The following FUT5 variants were observed in gnomAD, a reference collection of about 807,000 sequenced individuals.
FUT5 encodes 4-galactosyl-N-acetylglucosaminide 3-alpha-L-fucosyltransferase FUT5.
Under a neutral mutation model 0.8 loss-of-function variants are expected in FUT5, and 1 was observed. The observed-to-expected ratio is 1.26, with a 90% CI of 0.45 to 5.99. FUT5 has a LOEUF of 5.99. Ranked by LOEUF, FUT5 falls within the 30% of genes most tolerant of loss-of-function variation. FUT5 has a pLI of 0.15. For missense variants in FUT5, 437 were observed against 517.8 expected (o/e 0.84, Z 1.51); for synonymous variants, 212 against 225.7 (o/e 0.94, Z 0.54).
chr19:5,867,983 A>G lies in FUT5; in HGVS notation c.-12-246T>C, dbSNP rs2057511665. On this transcript the variant is annotated intron_variant, in intron 1 of 1. Coordinates refer to ENST00000588525, the MANE Select transcript of FUT5 (RefSeq NM_002034.2). The surrounding 1 kb of genome is among the most constrained non-coding windows in gnomAD (Gnocchi z 5.0). ...GGGAAAGGGTGTCCGTTGGATGAGG[A>G]AAGAGCCAGTGCCAAAGCCTGGCGG... 6.6e-6 allele frequency among the ~76,000 whole-genome samples: 1 copy of G among 152,104 alleles called. No homozygotes were observed. Among genetic ancestry groups the G allele is most frequent in the Non-Finnish European group, 1.5e-5 (1 of 68,016 alleles).
chr19:5,868,909 C>T (rs983753836), intron 1 of FUT5, among the ~76,000 whole-genome samples: 3 of 152,216 alleles, frequency 2.0e-5, no homozygotes, highest in African/African-American at 4.8e-5. Flanking sequence ...AAGCCTCAAC[C>T]TCCCAGGTTC....
chr19:5,867,024 C>G lies in FUT5; in HGVS notation c.702G>C (p.Val234=), dbSNP rs1246318954. 6 of 1,613,530 alleles carry G rather than the reference C, an allele frequency of 3.7e-6. No homozygotes were observed. The highest frequency in any genetic ancestry group is 5.1e-6 in the Non-Finnish European group (6 of 1,179,846). The change falls in exon 2 of 2, where the codon GTG becomes GTC. Residue 234 remains valine (V), a synonymous_variant. Transcript: ENST00000588525. This position sits in a 1 kb window ranked among gnomAD's most constrained non-coding sequence, Gnocchi z 5.0. ...GCAGGGGCTTGTGGGAGCGTCCGTA[C>G]ACGTCCACCTTGAGATGAGCCTGCA... The part of the protein sequence containing the change: ...QSLQAHLKVD[V]YGRSHKPLPK...
intron 1 of FUT5, among the ~76,000 whole-genome samples, chr19:5,868,241 C>G (rs539768210): frequency 2.7e-4 from 41 of 151,900 alleles, no homozygotes; most frequent in Non-Finnish European, 5.4e-4. Context: ...AGGGGCTGAC[C>G]AGGCAGGGAG....
In FUT5 at chr19:5,866,201, T is replaced by C. The variant is rs1323446844; in HGVS notation, c.*400A>G. On this transcript the variant is annotated 3_prime_UTR_variant, in exon 2 of 2. Coordinates refer to ENST00000588525, the MANE Select transcript of FUT5 (RefSeq NM_002034.2). This position sits in a 1 kb window ranked among gnomAD's most constrained non-coding sequence, Gnocchi z 4.9. ...ACACATCCAGCTCCCTTGGGCCCTGTGCCTCCCAGCGGGTGAGGCTCCTAG... is the reference window on the plus strand; with the variant it reads ...ACACATCCAGCTCCCTTGGGCCCTGCGCCTCCCAGCGGGTGAGGCTCCTAG... 1 of 368,448 alleles carries C rather than the reference T, an allele frequency of 2.7e-6. No homozygotes were observed. Among genetic ancestry groups the C allele is most frequent in the African/African-American group, 2.1e-5 (1 of 47,596 alleles). The allele number at this position is 368,448 out of a possible 1,614,324, so 22.8% of individuals were successfully genotyped here. A position where few individuals can be genotyped will look rare whatever the true frequency, so the allele number is the denominator to read the frequency against.
Position 5,867,220 on chromosome 19 carries a change from G to A in FUT5, c.506C>T (p.Thr169Ile), listed in dbSNP as rs1306545643. The A allele has an allele frequency of 9.3e-6, 15 of 1,612,030 alleles. No individual in the cohort carries two copies. The highest frequency in any genetic ancestry group is 1.2e-5 in the Non-Finnish European group (14 of 1,179,602). Reference sequence around the variant, plus strand: ...GTCGGAGTCGCTGCGGTAGGACATGGTGAGATTGAAGTATCCGTCCAGGGC... The same window carrying A: ...GTCGGAGTCGCTGCGGTAGGACATGATGAGATTGAAGTATCCGTCCAGGGC... Reference protein sequence around the residue: ...LEALDGYFNLTMSYRSDSDIF... With the variant: ...LEALDGYFNLIMSYRSDSDIF... Residue 169 changes from threonine to isoleucine, a missense_variant, in exon 2 of 2, where the codon ACC (threonine) becomes ATC (isoleucine). By Grantham distance (89) the Thr-to-Ile change is moderately conservative. Transcript: ENST00000588525. The surrounding 1 kb of genome is among the most constrained non-coding windows in gnomAD (Gnocchi z 5.0).
chr19:5,870,066 C>CAAAAAAAAAAAAAAAAAAAAA (rs72405451), intron 1 of FUT5, among the ~76,000 whole-genome samples: 1 of 70,444 alleles, frequency 1.4e-5, no homozygotes, highest in Admixed American at 2.0e-4. Flanking sequence ...AACTCCATCT[C>CAAAAAAAAAAAAAAAAAAAAA]AAAAAAAAAA....
In FUT5 at chr19:5,867,652, A is replaced by T. The variant is rs780471797; in HGVS notation, c.74T>A (p.Leu25Gln). 25 of 1,613,442 alleles carry T rather than the reference A, an allele frequency of 1.5e-5. 1 individual carries two copies. The South Asian group carries it at 2.5e-4, about 16-fold the overall frequency. ...GTAGGAGAAGAAACACACAGCCACC[A>T]GCAGCTGAAACAGCAGCCCGGCCAG... Reference protein sequence around the residue: ...RCLAGLLFQLLVAVCFFSYLR... With the variant: ...RCLAGLLFQLQVAVCFFSYLR... The change falls in exon 2 of 2, where the codon CTG becomes CAG. Residue 25 changes from leucine to glutamine, a missense_variant. Leu to Gln is a moderately radical substitution (Grantham distance 113). Transcript: ENST00000588525. This position sits in a 1 kb window ranked among gnomAD's most constrained non-coding sequence, Gnocchi z 5.0.
At chr19:5,868,322 C>T (rs2057512700) in intron 1 of FUT5, among the ~76,000 whole-genome samples, 1 of 152,012 alleles carries the variant, frequency 6.6e-6, no homozygotes, top group South Asian at 2.1e-4. Context: ...GTTCTGGAGA[C>T]ACCCAGCACG....
rs1002584962 is a variant in FUT5, at chr19:5,867,854, T to G, written c.-12-117A>C. ...CACAGCTTGTCATAAATGCCCCCAG[T>G]ACCCCTGAGTTGAGGATTGAATTTA... On this transcript the variant is annotated intron_variant, in intron 1 of 1. Transcript: ENST00000588525. This position sits in a 1 kb window ranked among gnomAD's most constrained non-coding sequence, Gnocchi z 5.0. 4.1e-5 allele frequency: 44 copies of G among 1,061,820 alleles called. No individual in the cohort carries two copies. The African/African-American group carries it at 5.7e-4, about 14-fold the overall frequency. 65.8% of individuals were successfully genotyped at this position (1,061,820 alleles called of 1,614,324 possible). A position where few individuals can be genotyped will look rare whatever the true frequency, so the allele number is the denominator to read the frequency against.
In FUT5 at chr19:5,867,557, C is replaced by A; in HGVS notation, c.169G>T (p.Gly57Trp). 6.2e-7 allele frequency: 1 copy of A among 1,613,450 alleles called. No individual in the cohort carries two copies. Among genetic ancestry groups the A allele is most frequent in the Non-Finnish European group, 8.5e-7 (1 of 1,180,014 alleles). ...PGLMAVEPVT[G>W]APNGSRCQDS... ...TGGCAGCGGGACCCATTGGGAGCCC[C>A]GGTGACAGGTTCCACTGCCATAAGC... Residue 57 changes from glycine (G) to tryptophan (W), a missense_variant, in exon 2 of 2, where the codon GGG (glycine) becomes TGG (tryptophan). Physicochemically the swap from Gly to Trp is radical, Grantham distance 184. Around this residue, in one of 2 missense-constraint regions of FUT5, gnomAD observed 261 missense variants for 242.6 expected, o/e 1.08. Transcript: ENST00000588525. This position sits in a 1 kb window ranked among gnomAD's most constrained non-coding sequence, Gnocchi z 5.0.
Position 5,867,483 on chromosome 19 carries a change from C to T in FUT5, c.243G>A (p.Trp81Ter), listed in dbSNP as rs760833851. The change falls in exon 2 of 2, where the codon TGG becomes TGA. Residue 81 changes from tryptophan (W) to a stop codon, truncating the protein, a stop_gained. Transcript: ENST00000588525. LOFTEE classifies it low-confidence loss of function (END_TRUNC). This position sits in a 1 kb window ranked among gnomAD's most constrained non-coding sequence, Gnocchi z 5.0. The part of the protein sequence containing the change: ...PAHPTLLILL[W>*]TWPFNTPVAL... ...CCACGGGTGTGTTAAAAGGCCACGT[C>T]CACAGCAGGATCAGTAGGGTGGGGT... is the stretch of plus-strand genomic sequence containing the variant. 1 of 1,613,402 alleles carries T rather than the reference C, an allele frequency of 6.2e-7. No homozygotes were observed. Among genetic ancestry groups the T allele is most frequent in the South Asian group, 1.1e-5 (1 of 91,038 alleles).
chr19:5,868,926 T>G (rs927931302), intron 1 of FUT5, among the ~76,000 whole-genome samples: 1 of 151,672 alleles, frequency 6.6e-6, no homozygotes, highest in African/African-American at 2.4e-5. Flanking sequence ...GTTCAAATGA[T>G]CCTCCCACCT....
chr19:5,869,867 C>T (rs987912561), intron 1 of FUT5, among the ~76,000 whole-genome samples: 23 of 151,864 alleles, frequency 1.5e-4, no homozygotes, highest in Admixed American at 9.8e-4. Context: ...GTCAGGAGTT[C>T]GAGGCCAGCC....
Position 5,867,756 on chromosome 19 carries a change from G to C in FUT5, c.-12-19C>G. ...AGAGTAGCTGGGAAGAGAGGAGAGA[G>C]GAGTGAGGGTCATTAAGGAAGATCA... is the stretch of plus-strand genomic sequence containing the variant. On this transcript the variant is annotated intron_variant, in intron 1 of 1. Coordinates refer to ENST00000588525, the MANE Select transcript of FUT5 (RefSeq NM_002034.2). The surrounding 1 kb of genome is among the most constrained non-coding windows in gnomAD (Gnocchi z 5.0). 3 of 1,611,156 alleles carry C rather than the reference G, an allele frequency of 1.9e-6. No homozygotes were observed. Among genetic ancestry groups the C allele is most frequent in the Non-Finnish European group, 2.5e-6 (3 of 1,178,328 alleles).
chr19:5,866,896 G>A lies in FUT5; in HGVS notation c.830C>T (p.Ala277Val), dbSNP rs780790781. ...DYITEKLWRN[A>V]LEAWAVPVVL... is the part of the protein sequence containing the mutation. ...CACGGGCACGGCCCAGGCCTCCAGG[G>A]CGTTCCTCCACAGCTTCTCGGTGAT... The change falls in exon 2 of 2, where the codon GCC (alanine) becomes GTC (valine). Residue 277 changes from alanine (A) to valine (V), a missense_variant. Transcript: ENST00000588525. This position sits in a 1 kb window ranked among gnomAD's most constrained non-coding sequence, Gnocchi z 4.9. 96 of 1,612,232 alleles carry A rather than the reference G, an allele frequency of 6.0e-5. No individual in the cohort carries two copies. Among genetic ancestry groups the A allele is most frequent in the Non-Finnish European group, 7.7e-5 (91 of 1,179,618 alleles).
rs1368701462 is a variant in FUT5 at position 5,867,263 on chromosome 19, T to G, written c.463A>C (p.Asn155His). ...TCCAGGGCTTCCAGGTGCCGGCAGT[T>G]GCTGGGGGACTCCATGCTGAACCAG... The part of the protein sequence containing the change: ...WIWFSMESPS[N>H]CRHLEALDGY... Residue 155 changes from asparagine (N) to histidine (H), a missense_variant, in exon 2 of 2, where the codon AAC (asparagine) becomes CAC (histidine). Transcript: ENST00000588525. This position sits in a 1 kb window ranked among gnomAD's most constrained non-coding sequence, Gnocchi z 5.0. 1.9e-6 allele frequency: 3 copies of G among 1,613,246 alleles called. No individual in the cohort carries two copies. Among genetic ancestry groups the G allele is most frequent in the Non-Finnish European group, 2.5e-6 (3 of 1,180,020 alleles).
Position 5,867,401 on chromosome 19 carries a change from C to T in FUT5, c.325G>A (p.Asp109Asn), listed in dbSNP as rs763481225. The T allele has an allele frequency of 1.4e-5, 23 of 1,612,970 alleles. No homozygotes were observed. Among genetic ancestry groups the T allele is most frequent in the South Asian group, 6.6e-5 (6 of 91,032 alleles). ...TCTGCCTGTGGGTACACACTGGAGT[C>T]GGCAGTGATGTTGCAGTCGGCCGCG... ...PGAADCNITA[D>N]SSVYPQADAV... is the part of the protein sequence containing the mutation. The change falls in exon 2 of 2, where the codon GAC becomes AAC. Residue 109 changes from aspartate (D) to asparagine (N), a missense_variant. Transcript: ENST00000588525. This position sits in a 1 kb window ranked among gnomAD's most constrained non-coding sequence, Gnocchi z 5.0.
In FUT5 at chr19:5,867,273, C is replaced by T; in HGVS notation, c.453G>A (p.Glu151=). The T allele has an allele frequency of 1.9e-6, 3 of 1,613,408 alleles. No individual in the cohort carries two copies. Among genetic ancestry groups the T allele is most frequent in the East Asian group, 2.2e-5 (1 of 44,850 alleles). ...QGQRWIWFSM[E]SPSNCRHLEA... ...CCAGGTGCCGGCAGTTGCTGGGGGA[C>T]TCCATGCTGAACCAGATCCAGCGCT... is the stretch of plus-strand genomic sequence containing the variant. Residue 151 remains glutamate (E), a synonymous_variant, in exon 2 of 2, where the codon GAG becomes GAA. Transcript: ENST00000588525. The surrounding 1 kb of genome is among the most constrained non-coding windows in gnomAD (Gnocchi z 5.0).
chr19:5,867,846 G>GC lies in FUT5; in HGVS notation c.-12-110dup. ...ATTTATGACACAGCTTGTCATAAAT[G>GC]CCCCCAGTACCCCTGAGTTGAGGAT... On this transcript the variant is annotated intron_variant, in intron 1 of 1. Coordinates refer to ENST00000588525, the MANE Select transcript of FUT5 (RefSeq NM_002034.2). This position sits in a 1 kb window ranked among gnomAD's most constrained non-coding sequence, Gnocchi z 5.0. 2 of 1,167,852 alleles carry GC rather than the reference G, an allele frequency of 1.7e-6. No homozygotes were observed. Among genetic ancestry groups the GC allele is most frequent in the Admixed American group, 1.9e-5 (1 of 52,290 alleles). The allele number at this position is 1,167,852 out of a possible 1,614,324, so 72.3% of individuals were successfully genotyped here.
Sources: gnomAD v4.1 joint callset for allele counts (sites outside exome capture counted in the v4.1 genomes callset) on GRCh38, gnomAD v4.1.1 for gene constraint, gnomAD v4.1.1 regional missense constraint, Gnocchi (gnomAD v3.1) non-coding constraint, MANE v1.5 for transcripts, NCBI Gene and HGNC (gene_info 2026-07-23, HGNC 2026-07-21) for gene names.